Variants in NKAIN4 observed in about 807,000 individuals in gnomAD.
The protein encoded by NKAIN4 is sodium/potassium-transporting ATPase subunit beta-1-interacting protein 4.
Under a neutral mutation model 28.8 loss-of-function variants are expected in NKAIN4, and 28 were observed. The ratio of observed to expected loss-of-function variants is 0.97; its 90% CI spans 0.72 to 1.33. The LOEUF (loss-of-function observed/expected upper bound fraction) is 1.33, where lower values mean the gene tolerates loss of function less well. Ranked by LOEUF, NKAIN4 falls within the 40% of genes most tolerant of loss-of-function variation. NKAIN4 has a pLI of 0.00. For synonymous variants in NKAIN4, 122 were observed against 115.6 expected (o/e 1.06, Z -0.36); for missense variants, 289 against 277.2 (o/e 1.04, Z -0.30).
chr20:63,244,396 A>G, intron 4 of NKAIN4: 1 of 513,282 alleles, frequency 1.9e-6, no homozygotes, highest in Non-Finnish European at 3.8e-6. Flanking sequence ...GAGCGGGGTG[A>G]GGACACAGAA....
chr20:63,253,329 G>A, intron 1 of NKAIN4: 1 of 985,412 alleles, frequency 1.0e-6, no homozygotes, highest in Non-Finnish European at 1.2e-6. Flanking sequence ...AGCGCCGGAA[G>A]CTCCTTCCTT....
intron 2 of NKAIN4, chr20:63,249,285 A>G (rs528552499): frequency 2.9e-4 from 66 of 227,820 alleles, no homozygotes; most frequent in African/African-American, 3.1e-4. Flanking sequence ...AGAGCACCCC[A>G]AAGAGCTGCC....
chr20:63,252,075 C>G lies in NKAIN4; in HGVS notation c.55-2003G>C, dbSNP rs1342191227. Among the ~76,000 whole-genome samples the G allele has an allele frequency of 1.3e-5, 2 of 152,182 alleles. No individual in the cohort carries two copies. The stretch of plus-strand genomic sequence containing the variant: ...GCTGCACATCTCGGCTAAGGGGTCT[C>G]GGCCTGAGGAGCAGCCTCAGGTCTG... On this transcript the variant is annotated intron_variant, in intron 1 of 6. Transcript: ENST00000370316. This position sits in a 1 kb window ranked among gnomAD's most constrained non-coding sequence, Gnocchi z 4.6.
rs544656029 is a variant in NKAIN4 at position 63,247,444 on chromosome 20, G to A, written c.471+134C>T. 69 of 1,544,524 alleles carry A rather than the reference G, an allele frequency of 4.5e-5. 2 individuals are homozygous for A. The South Asian group carries it at 7.0e-4, about 16-fold the overall frequency. ...TGATACCTTAACCTCTCCAGCAAGG[G>A]TGGGGGATGAGGAAGGCAGAGACAC... On this transcript the variant is annotated intron_variant, in intron 4 of 6. Transcript: ENST00000370316.
chr20:63,241,246 TTTTGTATGTTTTCTTTTC>T lies in NKAIN4; in HGVS notation c.*233_*250del. 2 of 520,836 alleles carry T rather than the reference TTTTGTATGTTTTCTTTTC, an allele frequency of 3.8e-6. No individual in the cohort carries two copies. The highest frequency in any genetic ancestry group is 1.0e-3 in the Middle Eastern group (2 of 1,910). 32.3% of individuals were successfully genotyped at this position (520,836 alleles called of 1,614,324 possible). A position where few individuals can be genotyped will look rare whatever the true frequency, so the allele number is the denominator to read the frequency against. On this transcript the variant is annotated 3_prime_UTR_variant, in exon 7 of 7. Coordinates refer to ENST00000370316, the MANE Select transcript of NKAIN4 (RefSeq NM_152864.4). ...TGGGCATGTGGGGTTTTGCCTTTTC[TTTTGTATGTTTTCTTTTC>T]TTTTTTTTTTTTAAGAGAAAGGAAA...
chr20:63,247,557 G>C, intron 4 of NKAIN4, 21 bp downstream of exon 4: 1 of 1,546,288 alleles, frequency 6.5e-7, no homozygotes, highest in Non-Finnish European at 8.7e-7. Context: ...CCCACCCGGG[G>C]GCCCCCTTCC....
chr20:63,242,050 G>A (rs1054978973), intron 6 of NKAIN4, among the ~76,000 whole-genome samples: 7 of 152,140 alleles, frequency 4.6e-5, no homozygotes, highest in Non-Finnish European at 8.8e-5. Flanking sequence ...TGTGGCAAAA[G>A]CTGTTTCAGA....
At chr20:63,247,863 G>A (rs1601288689) in intron 3 of NKAIN4, 88 bp from the exon 4 acceptor site, 15 of 1,391,600 alleles carry the variant, frequency 1.1e-5, no homozygotes, top group African/African-American at 4.4e-5. Flanking sequence ...CCACCACACC[G>A]AGGCAAGGGG....
chr20:63,253,584 T>A lies in NKAIN4; in HGVS notation c.54+813A>T, dbSNP rs571939739. On this transcript the variant is annotated intron_variant, in intron 1 of 6. Transcript: ENST00000370316. Reference sequence around the variant, plus strand: ...TTAAGACGGGAGACCCAGGGCCAATTAGCATCGAAGCAAAGCAGCTTCCCC... The same window carrying A: ...TTAAGACGGGAGACCCAGGGCCAATAAGCATCGAAGCAAAGCAGCTTCCCC... 3.9e-5 allele frequency: 35 copies of A among 896,378 alleles called. 1 individual carries two copies. In the South Asian group the frequency reaches 1.5e-3, roughly 39 times the overall value. The allele number at this position is 896,378 out of a possible 1,614,324, so 55.5% of individuals were successfully genotyped here.
At chr20:63,242,171 C>T (rs1440166933) in intron 6 of NKAIN4, among the ~76,000 whole-genome samples, 2 of 152,280 alleles carry the variant, frequency 1.3e-5, no homozygotes, top group South Asian at 2.1e-4. Flanking sequence ...AAGCCAGGGC[C>T]CCAGCTCCTG....
intron 1 of NKAIN4, among the ~76,000 whole-genome samples, chr20:63,251,577 G>A: frequency 6.6e-6 from 1 of 152,230 alleles, no homozygotes; most frequent in East Asian, 1.9e-4. Context: ...GGCCCTGTCT[G>A]GGCGTGACAG....
chr20:63,248,784 G>A (rs772566328), intron 3 of NKAIN4, 31 bp downstream of exon 3: 2 of 1,478,212 alleles, frequency 1.4e-6, no homozygotes, highest in East Asian at 2.3e-5. Flanking sequence ...CCCAGGGAAG[G>A]ACCTCGCGCT....
intron 3 of NKAIN4, 85 bp from the exon 4 acceptor site, chr20:63,247,860 A>C (rs2066890043): frequency 7.2e-7 from 1 of 1,393,944 alleles, no homozygotes; most frequent in Non-Finnish European, 9.3e-7. Flanking sequence ...ACGCCACCAC[A>C]CCGAGGCAAG....
chr20:63,253,578 G>A, intron 1 of NKAIN4: 1 of 922,214 alleles, frequency 1.1e-6, no homozygotes, highest in Non-Finnish European at 1.3e-6. Context: ...GAGACCCAGG[G>A]CCAATTAGCA....
Position 63,245,932 on chromosome 20 carries a change from CT to C in NKAIN4, c.471+1645del, listed in dbSNP as rs372655588. Among the ~76,000 whole-genome samples, 800 of 142,894 alleles carry C rather than the reference CT, an allele frequency of 5.6e-3. 5 individuals carry two copies. Among genetic ancestry groups the C allele is most frequent in the Middle Eastern group, 0.018 (5 of 276 alleles). The allele number at this position is 142,894 out of a possible 152,430, so 93.7% of individuals were successfully genotyped here. A position where few individuals can be genotyped will look rare whatever the true frequency, so the allele number is the denominator to read the frequency against. ...TCTTCATTCATTCCCCTCAAGCTTC[CT>C]TTTTTTTTTTTTGAGACAGAGTCTC... On this transcript the variant is annotated intron_variant, in intron 4 of 6. Coordinates refer to ENST00000370316, the MANE Select transcript of NKAIN4 (RefSeq NM_152864.4). This position sits in a 1 kb window ranked among gnomAD's most constrained non-coding sequence, Gnocchi z 4.7.
chr20:63,241,252 A>C lies in NKAIN4; in HGVS notation c.*245T>G. 1 of 529,618 alleles carries C rather than the reference A, an allele frequency of 1.9e-6. No individual in the cohort carries two copies. The highest frequency in any genetic ancestry group is 3.6e-5 in the Admixed American group (1 of 28,134). The allele number at this position is 529,618 out of a possible 1,614,324, so 32.8% of individuals were successfully genotyped here. A position where few individuals can be genotyped will look rare whatever the true frequency, so the allele number is the denominator to read the frequency against. On this transcript the variant is annotated 3_prime_UTR_variant, in exon 7 of 7. Transcript: ENST00000370316. ...TGTGGGGTTTTGCCTTTTCTTTTGT[A>C]TGTTTTCTTTTCTTTTTTTTTTTTA... is the stretch of plus-strand genomic sequence containing the variant.
In NKAIN4 at chr20:63,241,268, T is replaced by C; in HGVS notation, c.*229A>G. 1 of 542,900 alleles carries C rather than the reference T, an allele frequency of 1.8e-6. No homozygotes were observed. Among genetic ancestry groups the C allele is most frequent in the Middle Eastern group, 5.0e-4 (1 of 2,016 alleles). 33.6% of individuals were successfully genotyped at this position (542,900 alleles called of 1,614,324 possible). On this transcript the variant is annotated 3_prime_UTR_variant, in exon 7 of 7. Coordinates refer to ENST00000370316, the MANE Select transcript of NKAIN4 (RefSeq NM_152864.4). Reference sequence around the variant, plus strand: ...TTCTTTTGTATGTTTTCTTTTCTTTTTTTTTTTTAAGAGAAAGGAAATTAC... The same window carrying C: ...TTCTTTTGTATGTTTTCTTTTCTTTCTTTTTTTTAAGAGAAAGGAAATTAC...
intron 5 of NKAIN4, among the ~76,000 whole-genome samples, chr20:63,243,451 G>C (rs1201764967): frequency 6.6e-6 from 1 of 152,102 alleles, no homozygotes; most frequent in Non-Finnish European, 1.5e-5. Flanking sequence ...GACCCTGCTT[G>C]GCGTCTGCCC....
In NKAIN4 at chr20:63,252,253, C is replaced by T. The variant is rs2123131559; in HGVS notation, c.54+2144G>A. Reference sequence around the variant, plus strand: ...CCATGGAAGCAGGTGACCCTGGTGGCCCTGCCAGGACCCAGCCCCAAACCC... The same window carrying T: ...CCATGGAAGCAGGTGACCCTGGTGGTCCTGCCAGGACCCAGCCCCAAACCC... On this transcript the variant is annotated intron_variant, in intron 1 of 6. Transcript: ENST00000370316. This position sits in a 1 kb window ranked among gnomAD's most constrained non-coding sequence, Gnocchi z 4.6. Among the ~76,000 whole-genome samples the T allele has an allele frequency of 6.6e-6, 1 of 152,262 alleles. No homozygotes were observed. Among genetic ancestry groups the T allele is most frequent in the East Asian group, 1.9e-4 (1 of 5,180 alleles).
Sources: allele counts gnomAD v4.1 joint callset (sites outside exome capture counted in the v4.1 genomes callset), GRCh38; gene constraint gnomAD v4.1.1; non-coding constraint Gnocchi (gnomAD v3.1); transcripts MANE v1.5; gene names NCBI Gene and HGNC (gene_info 2026-07-23, HGNC 2026-07-21).